Variants in ALDH8A1 observed in about 807,000 individuals in gnomAD.
ALDH8A1 encodes aldehyde dehydrogenase 8 family member A1.
Under a neutral mutation model 43.3 loss-of-function variants are expected in ALDH8A1, and 39 were observed. The observed-to-expected ratio is 0.90, with a 90% confidence interval of 0.70 to 1.18. The LOEUF is 1.18. Among genes scored for constraint, ALDH8A1 ranks in the 50% most tolerant of loss-of-function variants. ALDH8A1 has a pLI of 0.00. For synonymous variants in ALDH8A1, 233 were observed against 243.5 expected (o/e 0.96, Z 0.40); for missense variants, 605 against 622.6 (o/e 0.97, Z 0.30).
At chr6:134,932,657 C>G in intron 5 of ALDH8A1, 119 bp downstream of exon 5, 1 of 1,404,966 alleles carries the variant, frequency 7.1e-7, no homozygotes. Context: ...TGTACTGATC[C>G]TGCTTTCTCG....
chr6:134,923,826 G>A (rs1776843439), intron 6 of ALDH8A1, among the ~76,000 whole-genome samples: 1 of 152,200 alleles, frequency 6.6e-6, no homozygotes, highest in African/African-American at 2.4e-5. Flanking sequence ...GGAAGATGGA[G>A]TTGGTAAAAA....
At chr6:134,928,911 T>C (rs1776930415) in intron 6 of ALDH8A1, 143 bp downstream of exon 6, 1 of 803,354 alleles carries the variant, frequency 1.2e-6, no homozygotes. Flanking sequence ...AGACTCTGTG[T>C]CCACAATTTC....
intron 5 of ALDH8A1, among the ~76,000 whole-genome samples, chr6:134,929,762 C>T (rs765119669): frequency 6.6e-6 from 1 of 152,080 alleles, no homozygotes; most frequent in Non-Finnish European, 1.5e-5. Context: ...AAGGCTCTAT[C>T]GTGCAGTCTC....
chr6:134,923,693 G>A (rs1382311907), intron 6 of ALDH8A1, among the ~76,000 whole-genome samples: 3 of 152,144 alleles, frequency 2.0e-5, no homozygotes, highest in Non-Finnish European at 4.4e-5. Context: ...TAAAAATATT[G>A]AATATAATAA....
intron 4 of ALDH8A1, among the ~76,000 whole-genome samples, chr6:134,933,893 G>C (rs1773676303): frequency 1.3e-5 from 2 of 152,062 alleles, no homozygotes; most frequent in African/African-American, 4.8e-5. Flanking sequence ...ATTTTTAGTA[G>C]AGAGGGGATT....
chr6:134,920,244 C>G (rs1408440188), intron 6 of ALDH8A1, among the ~76,000 whole-genome samples: 3 of 152,160 alleles, frequency 2.0e-5, no homozygotes, highest in Non-Finnish European at 4.4e-5. Context: ...GATTTATATT[C>G]CCTTCCATTA....
chr6:134,938,561 T>C (rs2114700462), intron 4 of ALDH8A1, among the ~76,000 whole-genome samples: 1 of 152,332 alleles, frequency 6.6e-6, no homozygotes, highest in South Asian at 2.1e-4. Flanking sequence ...CCAAGCAAAC[T>C]GTAGGTGTAC....
At chr6:134,920,205 C>G (rs1277083858) in intron 6 of ALDH8A1, among the ~76,000 whole-genome samples, 3 of 152,122 alleles carry the variant, frequency 2.0e-5, no homozygotes, top group Non-Finnish European at 4.4e-5. Context: ...CAGCTCAAGA[C>G]TTTTTTAAAA....
chr6:134,928,342 G>C (rs1776920507), intron 6 of ALDH8A1, among the ~76,000 whole-genome samples: 2 of 152,228 alleles, frequency 1.3e-5, no homozygotes, highest in Admixed American at 1.3e-4. Flanking sequence ...CAAAGTGGGA[G>C]TGCACTGTGC....
chr6:134,926,232 A>G (rs1448935287), intron 6 of ALDH8A1, among the ~76,000 whole-genome samples: 2 of 130,074 alleles, frequency 1.5e-5, no homozygotes, highest in Non-Finnish European at 3.1e-5. Flanking sequence ...TTTTTGAGAC[A>G]GCGTCTCATT....
intron 3 of ALDH8A1, 48 bp downstream of exon 3, chr6:134,942,361 C>T: frequency 6.7e-7 from 1 of 1,499,528 alleles, no homozygotes; most frequent in Non-Finnish European, 9.0e-7. Flanking sequence ...ATGTTGTGAG[C>T]ATCTGCAAGC....
chr6:134,948,191 C>T (rs1773986713), intron 1 of ALDH8A1, among the ~76,000 whole-genome samples: 1 of 152,034 alleles, frequency 6.6e-6, no homozygotes, highest in Non-Finnish European at 1.5e-5. Context: ...TATGTGGAAG[C>T]TTAAAAAAGT....
At chr6:134,937,791 G>A (rs1178120309) in intron 4 of ALDH8A1, among the ~76,000 whole-genome samples, 3 of 152,178 alleles carry the variant, frequency 2.0e-5, no homozygotes, top group African/African-American at 7.2e-5. Context: ...AATGGGATTA[G>A]ACTGTGAGGT....
chr6:134,942,560 T>C lies in ALDH8A1; in HGVS notation c.291A>G (p.Lys97=). Residue 97 remains lysine, a synonymous_variant, in exon 3 of 7, where the codon AAA becomes AAG. Transcript: ENST00000265605. ...CCATGGTTCTTGCCAGTGCTAAGGT[T>C]TTCCCTGTAAGAAGCAAACAACATA... ...FAQAESKDQG[K]TLALARTMDI... The C allele has an allele frequency of 4.3e-6, 7 of 1,613,090 alleles. No homozygotes were observed. Among genetic ancestry groups the C allele is most frequent in the Non-Finnish European group, 5.9e-6 (7 of 1,179,384 alleles).
intron 1 of ALDH8A1, among the ~76,000 whole-genome samples, chr6:134,946,798 G>T (rs866495153): frequency 1.1e-4 from 16 of 150,188 alleles, no homozygotes; most frequent in South Asian, 1.1e-3. Flanking sequence ...GCACAGGTGC[G>T]CATGTGTGCG....
At chr6:134,919,720 A>G (rs923150337) in intron 6 of ALDH8A1, among the ~76,000 whole-genome samples, 1 of 152,192 alleles carries the variant, frequency 6.6e-6, no homozygotes, top group Non-Finnish European at 1.5e-5. Flanking sequence ...AACCAAAGAC[A>G]GGGTAAATTT....
intron 1 of ALDH8A1, chr6:134,944,215 G>A: frequency 2.5e-6 from 1 of 401,560 alleles, no homozygotes; most frequent in Non-Finnish European, 4.4e-6. Context: ...TTACAGGCAT[G>A]TGCCACCATG....
At chr6:134,947,657 C>T (rs904478324) in intron 1 of ALDH8A1, among the ~76,000 whole-genome samples, 5 of 151,796 alleles carry the variant, frequency 3.3e-5, no homozygotes, top group Non-Finnish European at 7.4e-5. Context: ...CTTAACATCA[C>T]TAATTATTAG....
At chr6:134,939,169 G>A in intron 4 of ALDH8A1, 97 bp downstream of exon 4, 3 of 1,523,458 alleles carry the variant, frequency 2.0e-6, no homozygotes, top group Non-Finnish European at 8.9e-7. Flanking sequence ...AGCCCATGAT[G>A]TCACTGGAAT....
Sources: allele counts gnomAD v4.1 joint callset (sites outside exome capture counted in the v4.1 genomes callset), GRCh38; gene constraint gnomAD v4.1.1; transcripts MANE v1.5; gene names NCBI Gene and HGNC (gene_info 2026-07-23, HGNC 2026-07-21).